The following GRAMD4 variants were observed in gnomAD, a reference collection of about 807,000 sequenced individuals.
The protein encoded by GRAMD4 is GRAM domain containing 4.
GRAMD4 carries 25 observed loss-of-function variants against 83.9 expected under a neutral mutation model. The observed-to-expected ratio is 0.30, with a 90% confidence interval of 0.22 to 0.42. The LOEUF is 0.42. Among genes scored for constraint, GRAMD4 ranks in the 10% least tolerant of loss-of-function variants. The probability of loss-of-function intolerance (pLI) is 1.00; values close to 1 mark genes in which losing one functional copy is unlikely to be tolerated. For synonymous variants in GRAMD4, 336 were observed against 320.9 expected (o/e 1.05, Z -0.50); for missense variants, 593 against 788.7 (o/e 0.75, Z 2.97).
chr22:46,580,044 C>T (rs1039117790), intron 1 of GRAMD4, among the ~76,000 whole-genome samples: 2 of 152,216 alleles, frequency 1.3e-5, no homozygotes, highest in Non-Finnish European at 2.9e-5. Flanking sequence ...CAAGAGGCTG[C>T]TGCCTGGCCT....
At chr22:46,589,529 G>T (rs574790853) in intron 1 of GRAMD4, among the ~76,000 whole-genome samples, 1 of 152,064 alleles carries the variant, frequency 6.6e-6, no homozygotes, top group African/African-American at 2.4e-5. Context: ...AGACCTGCTG[G>T]GGCCAGGGGA....
intron 1 of GRAMD4, among the ~76,000 whole-genome samples, chr22:46,624,701 T>C (rs1214446874): frequency 6.6e-6 from 1 of 152,184 alleles, no homozygotes; most frequent in African/African-American, 2.4e-5. Flanking sequence ...GTAGCTCCTA[T>C]ATGGGAAGCT....
At chr22:46,577,185 G>C (rs1602277449) in exon 1 of GRAMD4, 1 of 688,288 alleles carries the variant, frequency 1.5e-6, no homozygotes, top group Non-Finnish European at 1.8e-6. Context: ...CCGGCTCCCC[G>C]GCGCCGCTGG....
At chr22:46,665,760 C>G in intron 9 of GRAMD4, 54 bp downstream of exon 9, 1 of 954,000 alleles carries the variant, frequency 1.0e-6, no homozygotes, top group East Asian at 2.4e-5. Context: ...TATGGCTGTG[C>G]TGTCTCCCTG....
At chr22:46,670,237 C>T (rs2082481614) in intron 13 of GRAMD4, among the ~76,000 whole-genome samples, 1 of 152,258 alleles carries the variant, frequency 6.6e-6, no homozygotes, top group African/African-American at 2.4e-5. Context: ...AACGCAAGCC[C>T]GACCCTAGCC....
intron 15 of GRAMD4, 36 bp downstream of exon 15, chr22:46,673,850 C>T: frequency 1.2e-6 from 2 of 1,609,250 alleles, no homozygotes; most frequent in Non-Finnish European, 1.7e-6. Flanking sequence ...AGGCCGAGCG[C>T]CGACACAGAC....
In GRAMD4 at chr22:46,623,101, C is replaced by T. The variant is rs184548220; in HGVS notation, c.-50+2536C>T. Among the ~76,000 whole-genome samples the T allele has an allele frequency of 2.0e-3, 300 of 152,232 alleles. 2 individuals carry two copies. Among genetic ancestry groups the T allele is most frequent in the Admixed American group, 9.2e-3 (140 of 15,296 alleles). On this transcript the variant is annotated intron_variant, in intron 1 of 18. Coordinates refer to ENST00000406902, the MANE Select transcript of GRAMD4 (RefSeq NM_015124.5). ...GCCCCATAGCGCCCGAGTCTCTTCA[C>T]GCACCTGTTTGCCATAACGACAGTC...
chr22:46,625,021 C>T (rs1179544230), intron 1 of GRAMD4, among the ~76,000 whole-genome samples: 3 of 152,056 alleles, frequency 2.0e-5, no homozygotes, highest in African/African-American at 4.8e-5. Flanking sequence ...CCACCACGCC[C>T]GGCTAATTTT....
downstream of GRAMD4, among the ~76,000 whole-genome samples, chr22:46,680,586 C>CCACCCATCCACCCACCCACCCATT: frequency 4.3e-5 from 1 of 23,146 alleles, no homozygotes; most frequent in African/African-American, 2.0e-4. Context: ...ATCCATCCAT[C>CCACCCATCCACCCACCCACCCATT]CATCCATCCA....
intron 1 of GRAMD4, among the ~76,000 whole-genome samples, chr22:46,596,228 C>T (rs531194481): frequency 6.6e-6 from 1 of 152,368 alleles, no homozygotes; most frequent in East Asian, 1.9e-4. Flanking sequence ...GGGACTCTGG[C>T]TGCTGGCTCG....
At chr22:46,662,540 C>T (rs895827020) in intron 5 of GRAMD4, among the ~76,000 whole-genome samples, 3 of 152,260 alleles carry the variant, frequency 2.0e-5, no homozygotes, top group African/African-American at 4.8e-5. Context: ...GGGCTGGCTG[C>T]GCTCGCCAGG....
intron 1 of GRAMD4, among the ~76,000 whole-genome samples, chr22:46,608,812 C>T (rs2081389717): frequency 6.6e-6 from 1 of 152,174 alleles, no homozygotes; most frequent in African/African-American, 2.4e-5. Context: ...AGTTTGAGAC[C>T]AGCCTGAGCA....
intron 6 of GRAMD4, among the ~76,000 whole-genome samples, chr22:46,663,396 C>G (rs1601662506): frequency 6.6e-6 from 1 of 152,240 alleles, no homozygotes; most frequent in African/African-American, 2.4e-5. Context: ...GCACTGCTCT[C>G]AGCTGTGGCT....
intron 1 of GRAMD4, among the ~76,000 whole-genome samples, chr22:46,595,058 G>A (rs1043969324): frequency 6.6e-6 from 1 of 152,112 alleles, no homozygotes; most frequent in Non-Finnish European, 1.5e-5. Context: ...GCCTGGCGTC[G>A]AGGCAAAGCA....
intron 2 of GRAMD4, among the ~76,000 whole-genome samples, chr22:46,633,613 C>T (rs759879064): frequency 6.6e-6 from 1 of 152,212 alleles, no homozygotes; most frequent in African/African-American, 2.4e-5. Context: ...CTGCTGCCAA[C>T]GGGAGTCCCC....
chr22:46,649,683 G>A (rs1347802585), intron 3 of GRAMD4, among the ~76,000 whole-genome samples: 1 of 152,236 alleles, frequency 6.6e-6, no homozygotes, highest in Non-Finnish European at 1.5e-5. Context: ...TATCAGCCAA[G>A]ACAGTGTTGA....
intron 9 of GRAMD4, among the ~76,000 whole-genome samples, chr22:46,665,997 A>G (rs2082403049): frequency 6.6e-6 from 1 of 152,232 alleles, no homozygotes; most frequent in South Asian, 2.1e-4. Flanking sequence ...CTTCTCCCCA[A>G]CATCAGTGGG....
downstream of GRAMD4, among the ~76,000 whole-genome samples, chr22:46,680,756 A>G (rs1601700900): frequency 1.3e-5 from 1 of 77,918 alleles, no homozygotes. Flanking sequence ...CCATCCATCC[A>G]CCCACCCATC....
At chr22:46,671,031 C>T (rs868168678) in intron 13 of GRAMD4, 1 of 441,078 alleles carries the variant, frequency 2.3e-6, no homozygotes, top group Middle Eastern at 3.4e-4. Context: ...CTTATCGGTG[C>T]CCATGTATTC....
Sources: gnomAD v4.1 joint callset for allele counts (sites outside exome capture counted in the v4.1 genomes callset) on GRCh38, gnomAD v4.1.1 for gene constraint, MANE v1.5 for transcripts, NCBI Gene and HGNC (gene_info 2026-07-23, HGNC 2026-07-21) for gene names.